Variants in ANKS4B observed in about 807,000 individuals in gnomAD.
ANKS4B encodes ankyrin repeat and sterile alpha motif domain containing 4B, also known as ankyrin repeat and SAM domain-containing protein 4B.
In ANKS4B, 21 loss-of-function variants were observed where a neutral mutation model predicts 20.2. The ratio of observed to expected loss-of-function variants is 1.04; its 90% confidence interval spans 0.74 to 1.50. The LOEUF (loss-of-function observed/expected upper bound fraction) is 1.50. ANKS4B is among the 40% of genes most tolerant of loss of function. The probability of loss-of-function intolerance (pLI) is 0.00; values close to 1 mark genes in which losing one functional copy is unlikely to be tolerated. For synonymous variants in ANKS4B, 179 were observed against 194.5 expected (o/e 0.92, Z 0.66); for missense variants, 473 against 494.6 (o/e 0.96, Z 0.41).
intron 1 of ANKS4B, among the ~76,000 whole-genome samples, chr16:21,245,483 T>TA (rs397958340): frequency 6.6e-6 from 1 of 151,970 alleles, no homozygotes; most frequent in Non-Finnish European, 1.5e-5. Flanking sequence ...ATTTTTTTTT[T>TA]ATTTTTTTGA....
At position 21,250,987 on chromosome 16, in the gene ANKS4B, G is replaced by A. The variant is rs893640487; in HGVS notation, c.*167G>A. 5.4e-5 allele frequency: 48 copies of A among 883,350 alleles called. No individual in the cohort carries two copies. The highest frequency in any genetic ancestry group is 3.7e-4 in the Middle Eastern group (1 of 2,704). 54.7% of individuals were successfully genotyped at this position (883,350 alleles called of 1,614,324 possible). ...AACTTTACTCTGGGAGGTAGGCTATGCCCATCCAAATAAATCTCCATGAGA... is the reference window on the plus strand; with the variant it reads ...AACTTTACTCTGGGAGGTAGGCTATACCCATCCAAATAAATCTCCATGAGA... On this transcript the variant is annotated 3_prime_UTR_variant, in exon 2 of 2. Transcript: ENST00000311620.
intron 1 of ANKS4B, among the ~76,000 whole-genome samples, chr16:21,245,328 A>T (rs1234528613): frequency 6.6e-6 from 1 of 152,136 alleles, no homozygotes; most frequent in Non-Finnish European, 1.5e-5. Context: ...GACTTCTTTG[A>T]GTTGGGTTGG....
chr16:21,244,824 C>A (rs1288045770), intron 1 of ANKS4B, among the ~76,000 whole-genome samples: 1 of 152,204 alleles, frequency 6.6e-6, no homozygotes, highest in African/African-American at 2.4e-5. Context: ...CCAGAGCCTT[C>A]TGGAAAGTGG....
chr16:21,234,522 C>CACG (rs1380262253), intron 1 of ANKS4B, among the ~76,000 whole-genome samples: 10,744 of 121,250 alleles, frequency 0.089, 463 homozygotes, highest in East Asian at 0.22. Context: ...ACACACACAC[C>CACG]CCATCTCTTT....
chr16:21,248,784 G>A (rs973862762), intron 1 of ANKS4B, among the ~76,000 whole-genome samples: 9 of 152,104 alleles, frequency 5.9e-5, no homozygotes, highest in Admixed American at 1.3e-4. Flanking sequence ...AAGATAACAC[G>A]AAAGTCTCAC....
chr16:21,248,000 C>T (rs557319305), intron 1 of ANKS4B, among the ~76,000 whole-genome samples: 1 of 152,312 alleles, frequency 6.6e-6, no homozygotes, highest in Admixed American at 6.5e-5. Context: ...TTTGCTACCT[C>T]TCCAACATCC....
intron 1 of ANKS4B, among the ~76,000 whole-genome samples, chr16:21,244,390 C>T (rs759807557): frequency 7.9e-5 from 12 of 152,126 alleles, no homozygotes; most frequent in Non-Finnish European, 1.6e-4. Flanking sequence ...GGTAACAGAC[C>T]TGTATGTTCT....
At chr16:21,234,024 G>T in intron 1 of ANKS4B, 123 bp downstream of exon 1, 1 of 1,003,594 alleles carries the variant, frequency 1.0e-6, no homozygotes. Context: ...CTAAATGATT[G>T]GATTTTTAGA....
chr16:21,233,821 G>C lies in ANKS4B; in HGVS notation c.84G>C (p.Ser28=), dbSNP rs376343890. 6 of 1,613,772 alleles carry C rather than the reference G, an allele frequency of 3.7e-6. No individual in the cohort carries two copies. Among genetic ancestry groups the C allele is most frequent in the Non-Finnish European group, 5.1e-6 (6 of 1,179,902 alleles). ...CTACCAAGCGAGATCTAAATCTTTC[G>C]GATGAAGACGGCATGACTCCTACTC... ...KEATKRDLNL[S]DEDGMTPTLL... The change falls in exon 1 of 2, where the codon TCG becomes TCC. Residue 28 remains serine, a synonymous_variant. Coordinates refer to ENST00000311620, the MANE Select transcript of ANKS4B (RefSeq NM_145865.3).
chr16:21,250,398 AG>A lies in ANKS4B; in HGVS notation c.834del (p.Asn279ThrfsTer93), dbSNP rs761017608. ...RPGLGSIVFR[R>X]NRISSPEDIS... ...AGGTCTAGGAAGTATTGTTTTTAGA[AG>A]GAACAGGATATCGAGTCCTGAAGAC... On this transcript the variant is annotated frameshift_variant, in exon 2 of 2. Coordinates refer to ENST00000311620, the MANE Select transcript of ANKS4B (RefSeq NM_145865.3). LOFTEE classifies it high-confidence loss of function. 1.9e-6 allele frequency: 3 copies of A among 1,614,182 alleles called. No individual in the cohort carries two copies. In the East Asian group the frequency reaches 6.7e-5, roughly 36 times the overall value.
chr16:21,233,907 T>C lies in ANKS4B; in HGVS notation c.164+6T>C, dbSNP rs376446397. 2 of 1,607,316 alleles carry C rather than the reference T, an allele frequency of 1.2e-6. No individual in the cohort carries two copies. Among genetic ancestry groups the C allele is most frequent in the African/African-American group, 2.7e-5 (2 of 74,802 alleles). On this transcript the variant is annotated splice_donor_region_variant and intron_variant, in intron 1 of 1. Coordinates refer to ENST00000311620, the MANE Select transcript of ANKS4B (RefSeq NM_145865.3). ...GAGATAATCTGCAGTAGAGGGTAAG[T>C]TCAACCCGATGGTTTCTGTTGGAAA... is the stretch of plus-strand genomic sequence containing the variant.
Position 21,252,339 on chromosome 16 carries a change from G to C in ANKS4B, c.*1519G>C, listed in dbSNP as rs934840145. On this transcript the variant is annotated 3_prime_UTR_variant, in exon 2 of 2. Coordinates refer to ENST00000311620, the MANE Select transcript of ANKS4B (RefSeq NM_145865.3). The stretch of plus-strand genomic sequence containing the variant: ...TGGCCGTCTGCAAGCCGAGGAGGGG[G>C]CCTCAGGAGAAACCAACCCTGCAAT... 14 of 152,276 alleles carry C rather than the reference G, an allele frequency of 9.2e-5. No homozygotes were observed. The highest frequency in any genetic ancestry group is 1.3e-4 in the Non-Finnish European group (9 of 68,074). 9.4% of individuals were successfully genotyped at this position (152,276 alleles called of 1,614,324 possible). A position where few individuals can be genotyped will look rare whatever the true frequency, so the allele number is the denominator to read the frequency against.
chr16:21,237,103 C>T (rs1482659957), intron 1 of ANKS4B, among the ~76,000 whole-genome samples: 8 of 152,120 alleles, frequency 5.3e-5, no homozygotes, highest in Non-Finnish European at 1.5e-5. Flanking sequence ...TCACTGCAAC[C>T]TCCACCTCTC....
At chr16:21,249,613 G>A in intron 1 of ANKS4B, 118 bp from the exon 2 acceptor site, 1 of 1,168,246 alleles carries the variant, frequency 8.6e-7, no homozygotes, top group African/African-American at 1.5e-5. Flanking sequence ...TGTCAAGTCA[G>A]GATGAACATG....
chr16:21,250,161 A>C lies in ANKS4B; in HGVS notation c.595A>C (p.Lys199Gln), dbSNP rs1464106989. 1.9e-6 allele frequency: 3 copies of C among 1,614,042 alleles called. No individual in the cohort carries two copies. The highest frequency in any genetic ancestry group is 2.5e-6 in the Non-Finnish European group (3 of 1,180,016). The change falls in exon 2 of 2, where the codon AAG becomes CAG. Residue 199 changes from lysine (K) to glutamine (Q), a missense_variant. Lys to Gln is a moderately conservative substitution (Grantham distance 53). Transcript: ENST00000311620. Reference sequence around the variant, plus strand: ...TCCTGGCACATTCGGGTCACTATCTAAGGGCATTAAAGACACTTTCAAGAT... The same window carrying C: ...TCCTGGCACATTCGGGTCACTATCTCAGGGCATTAAAGACACTTTCAAGAT... The part of the protein sequence containing the change: ...SAPGTFGSLS[K>Q]GIKDTFKIKF...
chr16:21,247,497 C>T (rs2093333856), intron 1 of ANKS4B, among the ~76,000 whole-genome samples: 1 of 152,148 alleles, frequency 6.6e-6, no homozygotes, highest in African/African-American at 2.4e-5. Flanking sequence ...CTTCTGTCTG[C>T]CCTCTACTTC....
Position 21,238,709 on chromosome 16 carries a change from T to C in ANKS4B, c.164+4808T>C, listed in dbSNP as rs145407259. ...TGTTATAGTCTATCTCTTTCTCCAC[T>C]AAGTTGACATGGTAACATCATTTCT... On this transcript the variant is annotated intron_variant, in intron 1 of 1. Transcript: ENST00000311620. Among the ~76,000 whole-genome samples, 24 of 152,312 alleles carry C rather than the reference T, an allele frequency of 1.6e-4. 1 individual carries two copies. Among genetic ancestry groups the C allele is most frequent in the African/African-American group, 4.8e-4 (20 of 41,584 alleles).
At position 21,252,635 on chromosome 16, in the gene ANKS4B, G is replaced by A. The variant is rs768039980; in HGVS notation, c.*1815G>A. ...AGTTCTTTGGAGGGAAGATTTGATT[G>A]TCAAAGGAAATTTCACATTTTCATG... On this transcript the variant is annotated 3_prime_UTR_variant, in exon 2 of 2. Transcript: ENST00000311620. 1 of 152,240 alleles carries A rather than the reference G, an allele frequency of 6.6e-6. No individual in the cohort carries two copies. The highest frequency in any genetic ancestry group is 1.5e-5 in the Non-Finnish European group (1 of 68,042). The allele number at this position is 152,240 out of a possible 1,614,324, so 9.4% of individuals were successfully genotyped here.
At chr16:21,242,884 G>A (rs752549115) in intron 1 of ANKS4B, among the ~76,000 whole-genome samples, 20 of 152,126 alleles carry the variant, frequency 1.3e-4, no homozygotes, top group Non-Finnish European at 2.8e-4. Context: ...TCATTTTAAA[G>A]GCTTTTTGTG....
Sources: gnomAD v4.1 joint callset for allele counts (sites outside exome capture counted in the v4.1 genomes callset) on GRCh38, gnomAD v4.1.1 for gene constraint, MANE v1.5 for transcripts, NCBI Gene and HGNC (gene_info 2026-07-23, HGNC 2026-07-21) for gene names.